Variants in SIPA1L3 observed in about 807,000 individuals in gnomAD.
SIPA1L3 encodes the protein signal induced proliferation associated 1 like 3, also known as signal-induced proliferation-associated 1-like protein 3.
A neutral mutation model predicts 150.1 loss-of-function variants in SIPA1L3; 59 were observed. The ratio of observed to expected loss-of-function variants is 0.39; its 90% CI spans 0.32 to 0.49. SIPA1L3 has a LOEUF of 0.49. SIPA1L3 is among the 20% of genes least tolerant of loss of function. The pLI is 0.86. For synonymous variants in SIPA1L3, 1,070 were observed against 1,077.6 expected, an observed-to-expected ratio of 0.99 and a Z score of 0.14; for missense variants, 2,211 against 2,489.5, an observed-to-expected ratio of 0.89 and a Z score of 2.38.
chr19:38,138,906 A>AC lies in SIPA1L3; in HGVS notation c.3144-2278_3144-2277insC, dbSNP rs1420011451. 8.4e-3 allele frequency among the ~76,000 whole-genome samples: 1,093 copies of AC among 130,468 alleles called. 87 individuals are homozygous for AC. The South Asian group carries it at 0.12, about 15-fold the overall frequency. 85.6% of individuals were successfully genotyped at this position (130,468 alleles called of 152,430 possible). ...GAACGAGACTCTATCTCAAAAAAAA[A>AC]AAAAAAAAACTGAGTGTGGTGGCTC... On this transcript the variant is annotated intron_variant, in intron 10 of 21. Coordinates refer to ENST00000222345, the MANE Select transcript of SIPA1L3 (RefSeq NM_015073.3).
chr19:37,997,887 GAA>G (rs1168855789), intron 1 of SIPA1L3, among the ~76,000 whole-genome samples: 1 of 148,314 alleles, frequency 6.7e-6, no homozygotes, highest in Non-Finnish European at 1.5e-5. Flanking sequence ...AAAAAGAAAA[GAA>G]AAAGAGAGAG....
chr19:37,991,927 G>A (rs1967518731), intron 1 of SIPA1L3, among the ~76,000 whole-genome samples: 1 of 152,206 alleles, frequency 6.6e-6, no homozygotes, highest in Admixed American at 6.5e-5. Context: ...ACCTGGGGCA[G>A]GTACTTCACC....
intron 2 of SIPA1L3, among the ~76,000 whole-genome samples, chr19:38,052,058 G>C (rs984893435): frequency 3.9e-5 from 6 of 152,114 alleles, no homozygotes; most frequent in Non-Finnish European, 8.8e-5. Context: ...AACAAATCTC[G>C]AACATTGTAT....
intron 12 of SIPA1L3, among the ~76,000 whole-genome samples, chr19:38,147,480 G>T (rs1475182704): frequency 2.0e-5 from 3 of 149,858 alleles, no homozygotes; most frequent in Non-Finnish European, 4.5e-5. Context: ...AGATTTTCTC[G>T]TTTTTTTTTC....
At chr19:38,037,278 C>G (rs199671058) in intron 2 of SIPA1L3, among the ~76,000 whole-genome samples, 2 of 102,524 alleles carry the variant, frequency 2.0e-5, no homozygotes, top group Non-Finnish European at 4.3e-5. Flanking sequence ...CAGGGAACGT[C>G]TGTCATAAGG....
chr19:38,200,212 A>G (rs1309731638), intron 19 of SIPA1L3: 1 of 152,198 alleles, frequency 6.6e-6, no homozygotes, highest in Non-Finnish European at 1.5e-5. Context: ...AGCTGAGATT[A>G]TAGGTACTAA....
chr19:38,155,697 C>G (rs1330870780), intron 13 of SIPA1L3, among the ~76,000 whole-genome samples: 1 of 152,152 alleles, frequency 6.6e-6, no homozygotes. Flanking sequence ...CTGACCCCAT[C>G]AGCACACCAG....
At chr19:37,913,483 C>T (rs1422131761) in intron 1 of SIPA1L3, among the ~76,000 whole-genome samples, 1 of 152,124 alleles carries the variant, frequency 6.6e-6, no homozygotes, top group East Asian at 1.9e-4. Flanking sequence ...GCAACCACTG[C>T]CTCCCAAGTT....
At chr19:38,133,643 G>A (rs1267955218) in intron 10 of SIPA1L3, among the ~76,000 whole-genome samples, 1 of 152,160 alleles carries the variant, frequency 6.6e-6, no homozygotes, top group Admixed American at 6.5e-5. Context: ...TTATATCACA[G>A]AGTGGGGAGG....
intron 1 of SIPA1L3, among the ~76,000 whole-genome samples, chr19:37,996,079 G>A (rs983988369): frequency 6.6e-6 from 1 of 152,126 alleles, no homozygotes; most frequent in Non-Finnish European, 1.5e-5. Context: ...ACACCTGGCT[G>A]ATTTTTAAAT....
chr19:38,179,196 C>T (rs1972506609), intron 15 of SIPA1L3, among the ~76,000 whole-genome samples: 1 of 152,232 alleles, frequency 6.6e-6, no homozygotes, highest in Non-Finnish European at 1.5e-5. Context: ...AATCCCAGCA[C>T]TTTGGGAGGC....
chr19:38,025,593 C>T (rs1968491422), intron 1 of SIPA1L3, among the ~76,000 whole-genome samples: 2 of 152,264 alleles, frequency 1.3e-5, no homozygotes, highest in South Asian at 4.2e-4. Context: ...GCTGATCAGC[C>T]TTTATAGAGC....
In SIPA1L3 at chr19:38,081,815, G is replaced by A; in HGVS notation, c.250G>A (p.Ala84Thr). The A allele has an allele frequency of 1.9e-6, 3 of 1,613,542 alleles. No homozygotes were observed. The highest frequency in any genetic ancestry group is 2.2e-5 in the South Asian group (2 of 91,084). Residue 84 changes from alanine (A) to threonine (T), a missense_variant, in exon 3 of 22, where the codon GCC becomes ACC. Physicochemically the swap from Ala to Thr is moderately conservative, Grantham distance 58. Transcript: ENST00000222345. ...CAAGATGGGCGTGCGCGCAAGGGTGGCCGACTGGCCGCCCAAGCGGGAGGC... is the reference window on the plus strand; with the variant it reads ...CAAGATGGGCGTGCGCGCAAGGGTGACCGACTGGCCGCCCAAGCGGGAGGC... ...MPKMGVRARV[A>T]DWPPKREALR... is the part of the protein sequence containing the mutation.
chr19:38,079,302 C>T (rs2145817228), intron 2 of SIPA1L3, among the ~76,000 whole-genome samples: 1 of 152,344 alleles, frequency 6.6e-6, no homozygotes, highest in South Asian at 2.1e-4. Flanking sequence ...CACTGTACTC[C>T]AGCCTGGGCA....
At chr19:38,003,682 G>A (rs150584091) in intron 1 of SIPA1L3, among the ~76,000 whole-genome samples, 2,372 of 152,292 alleles carry the variant, frequency 0.016, 33 homozygotes, top group Non-Finnish European at 0.019. Context: ...GCCTCCTCCC[G>A]AGAGAGCTCG....
intron 1 of SIPA1L3, among the ~76,000 whole-genome samples, chr19:37,935,516 C>A (rs951021587): frequency 1.3e-5 from 2 of 152,332 alleles, no homozygotes; most frequent in Middle Eastern, 3.4e-3. Context: ...ACAGCAGTTT[C>A]TTATTTCTTG....
At chr19:38,142,355 G>A (rs1971606312) in intron 11 of SIPA1L3, among the ~76,000 whole-genome samples, 1 of 152,184 alleles carries the variant, frequency 6.6e-6, no homozygotes. Flanking sequence ...CGGGAAGAGG[G>A]GGCCCAGGAG....
At chr19:38,057,947 CCA>C (rs1281364951) in intron 2 of SIPA1L3, among the ~76,000 whole-genome samples, 1 of 152,178 alleles carries the variant, frequency 6.6e-6, no homozygotes, top group Non-Finnish European at 1.5e-5. Flanking sequence ...CAGGCCTGAG[CCA>C]CCATGCCCGG....
intron 1 of SIPA1L3, among the ~76,000 whole-genome samples, chr19:37,912,570 A>G (rs2145466962): frequency 6.6e-6 from 1 of 152,160 alleles, no homozygotes; most frequent in Admixed American, 6.5e-5. Context: ...ATCATAGCTC[A>G]CTGTAACCTT....
Sources: gnomAD v4.1 joint callset for allele counts (sites outside exome capture counted in the v4.1 genomes callset) on GRCh38, gnomAD v4.1.1 for gene constraint, MANE v1.5 for transcripts, NCBI Gene and HGNC (gene_info 2026-07-23, HGNC 2026-07-21) for gene names.